The following GPC6 variants were observed in gnomAD, a reference collection of about 807,000 sequenced individuals.
The protein encoded by GPC6 is glypican-6.
Under a neutral mutation model 55.2 loss-of-function variants are expected in GPC6, and 14 were observed. The ratio of observed to expected loss-of-function variants is 0.25; its 90% CI spans 0.17 to 0.40. The LOEUF (loss-of-function observed/expected upper bound fraction) is 0.40, where lower values mean the gene tolerates loss of function less well. Ranked by LOEUF, GPC6 falls within the 10% of genes least tolerant of loss-of-function variation. GPC6 has a pLI of 1.00. For synonymous variants in GPC6, 278 were observed against 259.6 expected (o/e 1.07, Z -0.68); for missense variants, 641 against 708.5 (o/e 0.90, Z 1.08).
chr13:93,431,972 T>C (rs909730744), intron 1 of GPC6, among the ~76,000 whole-genome samples: 4 of 152,178 alleles, frequency 2.6e-5, no homozygotes, highest in Admixed American at 2.6e-4. Flanking sequence ...TAATGAATTA[T>C]GGGAGTCCAG....
chr13:93,605,543 G>A (rs1878200907), intron 2 of GPC6, among the ~76,000 whole-genome samples: 1 of 152,064 alleles, frequency 6.6e-6, no homozygotes, highest in Non-Finnish European at 1.5e-5. Flanking sequence ...GACTGAAAGA[G>A]TGAAGGCTGG....
At chr13:93,485,751 T>A (rs928015287) in intron 1 of GPC6, among the ~76,000 whole-genome samples, 1 of 152,044 alleles carries the variant, frequency 6.6e-6, no homozygotes, top group Non-Finnish European at 1.5e-5. Context: ...GGAGGTGGGG[T>A]ACAGTAATGG....
chr13:93,306,147 C>G (rs1342112580), intron 1 of GPC6, among the ~76,000 whole-genome samples: 1 of 152,216 alleles, frequency 6.6e-6, no homozygotes, highest in Non-Finnish European at 1.5e-5. Flanking sequence ...TTATTGACAT[C>G]TTTTTCTTGT....
At chr13:93,497,255 A>C (rs527992152) in intron 1 of GPC6, among the ~76,000 whole-genome samples, 32 of 152,360 alleles carry the variant, frequency 2.1e-4, no homozygotes, top group African/African-American at 7.5e-4. Flanking sequence ...CTGATTGCTC[A>C]TGTGAAAGCT....
intron 4 of GPC6, among the ~76,000 whole-genome samples, chr13:94,242,273 G>T (rs903153388): frequency 6.6e-6 from 1 of 151,996 alleles, no homozygotes; most frequent in Non-Finnish European, 1.5e-5. Context: ...GCTGAATATA[G>T]GAACACTTTT....
At chr13:94,325,143 G>T (rs956277305) in intron 6 of GPC6, among the ~76,000 whole-genome samples, 1 of 152,020 alleles carries the variant, frequency 6.6e-6, no homozygotes, top group African/African-American at 2.4e-5. Context: ...AGGGAAGGAA[G>T]GGAGGAGAGG....
rs752207791 is a variant in GPC6 at position 93,830,469 on chromosome 13, C to T, written c.635C>T (p.Thr212Ile). 10 of 1,613,822 alleles carry T rather than the reference C, an allele frequency of 6.2e-6. No homozygotes were observed. Among genetic ancestry groups the T allele is most frequent in the African/African-American group, 1.3e-5 (1 of 74,986 alleles). ...CCCCGGAAACTGAAGATTCAGGTTACCCGCGCCTTCATTGCTGCCAGGACC... is the reference window on the plus strand; with the variant it reads ...CCCCGGAAACTGAAGATTCAGGTTATCCGCGCCTTCATTGCTGCCAGGACC... ...DVPRKLKIQV[T>I]RAFIAARTFV... The change falls in exon 3 of 9, where the codon ACC becomes ATC. Residue 212 changes from threonine to isoleucine, a missense_variant. Thr to Ile is a moderately conservative substitution (Grantham distance 89, BLOSUM62 -1). Transcript: ENST00000377047.
intron 1 of GPC6, among the ~76,000 whole-genome samples, chr13:93,383,167 G>C (rs1594132655): frequency 6.6e-6 from 1 of 152,130 alleles, no homozygotes; most frequent in African/African-American, 2.4e-5. Flanking sequence ...CAGTGCATTT[G>C]ATACCTCCCT....
chr13:93,924,838 T>C (rs1877770642), intron 3 of GPC6, among the ~76,000 whole-genome samples: 1 of 152,256 alleles, frequency 6.6e-6, no homozygotes, highest in African/African-American at 2.4e-5. Flanking sequence ...AATTTACTTT[T>C]TAATTGACAC....
intron 3 of GPC6, among the ~76,000 whole-genome samples, chr13:93,990,646 C>T (rs545888665): frequency 2.0e-5 from 3 of 151,538 alleles, no homozygotes; most frequent in Non-Finnish European, 4.4e-5. Flanking sequence ...TGCTTGAGGC[C>T]AAGAAATCCA....
intron 3 of GPC6, among the ~76,000 whole-genome samples, chr13:93,863,829 C>T (rs892644377): frequency 1.3e-5 from 2 of 151,666 alleles, no homozygotes; most frequent in African/African-American, 4.8e-5. Context: ...TTGGGATCAA[C>T]TATATATGAT....
intron 4 of GPC6, among the ~76,000 whole-genome samples, chr13:94,210,975 C>T (rs1890056774): frequency 6.6e-6 from 1 of 152,190 alleles, no homozygotes; most frequent in Admixed American, 6.5e-5. Flanking sequence ...TTTTTTCACT[C>T]TATGGAGCAA....
At chr13:93,379,329 T>C (rs1875058890) in intron 1 of GPC6, among the ~76,000 whole-genome samples, 1 of 152,222 alleles carries the variant, frequency 6.6e-6, no homozygotes, top group African/African-American at 2.4e-5. Flanking sequence ...ATAACCTAAA[T>C]ATTAAGATAC....
rs114915902 is a variant in GPC6, at chr13:94,062,699, C to A, written c.877+34805C>A. 6.5e-3 allele frequency among the ~76,000 whole-genome samples: 994 copies of A among 152,228 alleles called. 15 individuals are homozygous for A. The highest frequency in any genetic ancestry group is 0.023 in the African/African-American group (954 of 41,532). On this transcript the variant is annotated intron_variant, in intron 4 of 8. Transcript: ENST00000377047. ...TATGGAAGACACACATTCTTCAACA[C>A]ATATATTGACTAATGAAACTGTAAA...
intron 3 of GPC6, among the ~76,000 whole-genome samples, chr13:93,934,174 C>T (rs532054975): frequency 6.6e-6 from 1 of 152,168 alleles, no homozygotes; most frequent in South Asian, 2.1e-4. Flanking sequence ...CAAGGTTATC[C>T]CATAGCCTTG....
intron 2 of GPC6, among the ~76,000 whole-genome samples, chr13:93,819,022 TG>T (rs769468182): frequency 1.6e-4 from 25 of 152,142 alleles, no homozygotes; most frequent in Non-Finnish European, 2.9e-4. Flanking sequence ...CAAGATATAC[TG>T]GTACCTGGAT....
At chr13:93,465,877 G>A (rs568804708) in intron 1 of GPC6, among the ~76,000 whole-genome samples, 24 of 151,840 alleles carry the variant, frequency 1.6e-4, no homozygotes, top group African/African-American at 4.6e-4. Context: ...ACTCTTTTTT[G>A]TGCTTGAATA....
intron 2 of GPC6, among the ~76,000 whole-genome samples, chr13:93,549,174 C>G (rs186043121): frequency 6.6e-6 from 1 of 152,282 alleles, no homozygotes; most frequent in East Asian, 1.9e-4. Context: ...TCTAGTACAT[C>G]AGGCAGAATG....
At chr13:93,554,281 A>C (rs927127737) in intron 2 of GPC6, among the ~76,000 whole-genome samples, 9 of 152,172 alleles carry the variant, frequency 5.9e-5, no homozygotes, top group African/African-American at 2.2e-4. Flanking sequence ...TTCAACAGTA[A>C]ATTATACAGA....
Sources: gnomAD v4.1 joint callset for allele counts (sites outside exome capture counted in the v4.1 genomes callset) on GRCh38, gnomAD v4.1.1 for gene constraint, MANE v1.5 for transcripts, NCBI Gene and HGNC (gene_info 2026-07-23, HGNC 2026-07-21) for gene names.